The following PLXNA4 variants were observed in gnomAD, a reference collection of about 807,000 sequenced individuals.
The protein encoded by PLXNA4 is plexin-A4.
PLXNA4 carries 44 observed loss-of-function variants against 191.8 expected under a neutral mutation model. The ratio of observed to expected loss-of-function variants is 0.23; its 90% confidence interval spans 0.18 to 0.29. The LOEUF is 0.29. Ranked by LOEUF, PLXNA4 falls within the 10% of genes least tolerant of loss-of-function variation. PLXNA4 has a pLI of 1.00. For missense variants in PLXNA4, 1,800 were observed against 2,488.8 expected, an observed-to-expected ratio of 0.72 and a Z score of 5.89; for synonymous variants, 1,082 against 1,009.5, an observed-to-expected ratio of 1.07 and a Z score of -1.36.
intron 3 of PLXNA4, among the ~76,000 whole-genome samples, chr7:132,345,271 C>T (rs551059232): frequency 4.6e-5 from 7 of 152,248 alleles, no homozygotes; most frequent in South Asian, 2.1e-4. Flanking sequence ...TCTGTTAAAT[C>T]GACACTCCAA....
At chr7:132,548,708 G>T (rs1245798105) in intron 1 of PLXNA4, among the ~76,000 whole-genome samples, 1 of 152,134 alleles carries the variant, frequency 6.6e-6, no homozygotes, top group African/African-American at 2.4e-5. Flanking sequence ...CTTGAATAGG[G>T]GATGGGTAAA....
chr7:132,407,992 G>A (rs967134120), intron 3 of PLXNA4, among the ~76,000 whole-genome samples: 7 of 151,876 alleles, frequency 4.6e-5, no homozygotes, highest in Admixed American at 3.3e-4. Flanking sequence ...TAGAAATACC[G>A]CTTCTGGGAC....
At chr7:132,558,162 C>T (rs79056355) in intron 1 of PLXNA4, among the ~76,000 whole-genome samples, 3,942 of 152,270 alleles carry the variant, frequency 0.026, 172 homozygotes, top group African/African-American at 0.09. Context: ...AATGCCCAGA[C>T]CTGGCATGTG....
At chr7:132,337,106 A>G (rs1802847403) in intron 3 of PLXNA4, among the ~76,000 whole-genome samples, 1 of 152,250 alleles carries the variant, frequency 6.6e-6, no homozygotes, top group South Asian at 2.1e-4. Flanking sequence ...AAGCGGTGGC[A>G]ATGTGTCCGC....
chr7:132,549,371 A>G (rs895164625), intron 1 of PLXNA4, among the ~76,000 whole-genome samples: 3 of 152,146 alleles, frequency 2.0e-5, no homozygotes, highest in Non-Finnish European at 4.4e-5. Flanking sequence ...CAAAATATTT[A>G]TTAACTACTC....
chr7:132,410,252 G>A (rs1423864074), intron 3 of PLXNA4, among the ~76,000 whole-genome samples: 1 of 149,960 alleles, frequency 6.7e-6, no homozygotes, highest in Middle Eastern at 3.2e-3. Context: ...TTTACAGACA[G>A]GACTGAGACC....
chr7:132,473,843 C>T (rs1421775798), intron 3 of PLXNA4, among the ~76,000 whole-genome samples: 5 of 141,630 alleles, frequency 3.5e-5, no homozygotes, highest in African/African-American at 9.9e-5. Context: ...TGCAAGACTC[C>T]GTCTCAAACA....
chr7:132,375,422 TCCCCAG>T (rs1804621817), intron 3 of PLXNA4, among the ~76,000 whole-genome samples: 2 of 152,070 alleles, frequency 1.3e-5, no homozygotes, highest in Admixed American at 1.3e-4. Context: ...TGGACTTGGC[TCCCCAG>T]CCCCAGTTCC....
At chr7:132,461,830 A>T (rs1585169349) in intron 3 of PLXNA4, among the ~76,000 whole-genome samples, 1 of 152,260 alleles carries the variant, frequency 6.6e-6, no homozygotes, top group South Asian at 2.1e-4. Flanking sequence ...TGACATAATA[A>T]CAGTCTCAGG....
intron 4 of PLXNA4, 141 bp downstream of exon 4, chr7:132,297,950 G>A: frequency 3.7e-6 from 4 of 1,092,904 alleles, no homozygotes; most frequent in Non-Finnish European, 5.3e-6. Context: ...CAGCATAACT[G>A]AAAAGTATAA....
At chr7:132,483,323 G>T (rs1327830929) in intron 3 of PLXNA4, among the ~76,000 whole-genome samples, 1 of 152,164 alleles carries the variant, frequency 6.6e-6, no homozygotes, top group African/African-American at 2.4e-5. Context: ...AGTCTAGCAG[G>T]TGTGAGCCCA....
intron 1 of PLXNA4, among the ~76,000 whole-genome samples, chr7:132,534,555 G>T (rs766083224): frequency 2.6e-5 from 4 of 152,196 alleles, no homozygotes; most frequent in Non-Finnish European, 4.4e-5. Flanking sequence ...TTCTGTAGTG[G>T]CGGAATGGGG....
chr7:132,482,414 G>A (rs903996303), intron 3 of PLXNA4, among the ~76,000 whole-genome samples: 2 of 152,108 alleles, frequency 1.3e-5, no homozygotes, highest in African/African-American at 4.8e-5. Flanking sequence ...GAGGACCTGA[G>A]GCTTGCCAAC....
chr7:132,339,197 A>G (rs1802931017), intron 3 of PLXNA4, among the ~76,000 whole-genome samples: 1 of 152,198 alleles, frequency 6.6e-6, no homozygotes, highest in South Asian at 2.1e-4. Flanking sequence ...GCAAAACATA[A>G]TGATTAACAT....
chr7:132,143,920 G>C (rs1288002403), intron 29 of PLXNA4, among the ~76,000 whole-genome samples: 1 of 152,206 alleles, frequency 6.6e-6, no homozygotes. Flanking sequence ...GTTCCTACCT[G>C]GTTTTTCATA....
intron 3 of PLXNA4, among the ~76,000 whole-genome samples, chr7:132,477,120 C>T (rs987479121): frequency 5.3e-5 from 8 of 152,154 alleles, no homozygotes; most frequent in East Asian, 1.9e-4. Flanking sequence ...AAGTGCCTAG[C>T]GCATTTTAGA....
At position 132,148,641 on chromosome 7, in the gene PLXNA4, G is replaced by A. The variant is rs752862207; in HGVS notation, c.4666C>T (p.Arg1556Ter). 3 of 1,613,996 alleles carry A rather than the reference G, an allele frequency of 1.9e-6. No individual in the cohort carries two copies. Among genetic ancestry groups the A allele is most frequent in the Non-Finnish European group, 1.7e-6 (2 of 1,179,996 alleles). Residue 1556 changes from arginine to a stop codon, truncating the protein, a stop_gained, in exon 26 of 32, where the codon CGA becomes TGA. Transcript: ENST00000321063. LOFTEE classifies it high-confidence loss of function. Reference protein sequence around the residue: ...PKAADMDLEWRQGSGARMILQ... With the variant: ...PKAADMDLEW ...ATCATCCTTGCCCCACTTCCTTGTC[G>A]CCACTCTGCCAAAAGAGCGGTGGCG...
intron 24 of PLXNA4, among the ~76,000 whole-genome samples, chr7:132,163,386 A>G (rs1796007206): frequency 6.6e-6 from 1 of 152,182 alleles, no homozygotes; most frequent in Non-Finnish European, 1.5e-5. Context: ...CTGAGCAACT[A>G]TGATTATCCC....
intron 2 of PLXNA4, among the ~76,000 whole-genome samples, chr7:132,645,323 C>T (rs575161364): frequency 6.6e-6 from 1 of 152,116 alleles, no homozygotes; most frequent in East Asian, 1.9e-4. Flanking sequence ...GCATGCTGTT[C>T]TCATGACAGT....
Sources: allele counts gnomAD v4.1 joint callset (sites outside exome capture counted in the v4.1 genomes callset), GRCh38; gene constraint gnomAD v4.1.1; transcripts MANE v1.5; gene names NCBI Gene and HGNC (gene_info 2026-07-23, HGNC 2026-07-21).